PTDSS2: variants seen among roughly 807,000 people sequenced by gnomAD.
PTDSS2 encodes the protein PSS-2.
Under a neutral mutation model 64.7 loss-of-function variants are expected in PTDSS2, and 41 were observed. That is an observed-to-expected ratio of 0.63 (90% CI 0.49 to 0.82). PTDSS2 has a LOEUF of 0.82. PTDSS2 is among the 40% of genes least tolerant of loss of function. The probability of loss-of-function intolerance (pLI) is 0.00; values close to 1 mark genes in which losing one functional copy is unlikely to be tolerated. For synonymous variants in PTDSS2, 297 were observed against 277.8 expected, an observed-to-expected ratio of 1.07 and a Z score of -0.69; for missense variants, 485 against 650.0, an observed-to-expected ratio of 0.75 and a Z score of 2.76.
At chr11:486,040 G>A (rs1848360945) in intron 4 of PTDSS2, among the ~76,000 whole-genome samples, 2 of 151,594 alleles carry the variant, frequency 1.3e-5, no homozygotes, top group South Asian at 2.1e-4. Flanking sequence ...GCAGGCGAGT[G>A]TAAACAGTGC....
At chr11:489,788 G>T in intron 10 of PTDSS2, 55 bp downstream of exon 10, 1 of 1,576,684 alleles carries the variant, frequency 6.3e-7, no homozygotes, top group East Asian at 2.3e-5. Context: ...GGGCCGGAGG[G>T]CTGGGGAGCA....
chr11:488,978 T>C (rs570769461), intron 8 of PTDSS2, among the ~76,000 whole-genome samples: 6 of 152,348 alleles, frequency 3.9e-5, no homozygotes, highest in Admixed American at 2.0e-4. Flanking sequence ...ATTATGACTT[T>C]GGAATTTAAA....
intron 2 of PTDSS2, chr11:463,060 G>A (rs924826384): frequency 2.0e-5 from 3 of 151,494 alleles, no homozygotes; most frequent in South Asian, 2.1e-4. Flanking sequence ...CCAGCTACTC[G>A]GGAGGCTGAG....
chr11:449,376 A>G (rs1397815399), upstream of PTDSS2, among the ~76,000 whole-genome samples: 7 of 152,222 alleles, frequency 4.6e-5, no homozygotes. Context: ...CCTGCCTAGC[A>G]TAATGTTTTC....
chr11:462,685 A>G lies in PTDSS2; in HGVS notation c.284+2397A>G, dbSNP rs1483280868. On this transcript the variant is annotated intron_variant, in intron 2 of 11. Transcript: ENST00000308020. This position sits in a 1 kb window ranked among gnomAD's most constrained non-coding sequence, Gnocchi z 4.5. ...ATGGCCTGGACCCGCACTGCTGCAC[A>G]CCAGAAGCCCAGCTCCTGGGCAGCC... Among the ~76,000 whole-genome samples, 1 of 152,056 alleles carries G rather than the reference A, an allele frequency of 6.6e-6. No individual in the cohort carries two copies. Among genetic ancestry groups the G allele is most frequent in the East Asian group, 1.9e-4 (1 of 5,180 alleles).
rs972899656 is a variant in PTDSS2 at position 460,321 on chromosome 11, T to C, written c.284+33T>C. On this transcript the variant is annotated intron_variant, in intron 2 of 11. Coordinates refer to ENST00000308020, the MANE Select transcript of PTDSS2 (RefSeq NM_030783.3). This position sits in a 1 kb window ranked among gnomAD's most constrained non-coding sequence, Gnocchi z 5.8. ...GCCCTCTTGTCCTGCCTTCTGAAAC[T>C]GCCCTGTGCCCCGTGTGGTGGGTGT... The C allele has an allele frequency of 6.4e-7, 1 of 1,561,782 alleles. No individual in the cohort carries two copies. The highest frequency in any genetic ancestry group is 8.8e-7 in the Non-Finnish European group (1 of 1,133,808).
chr11:490,108 G>C, intron 11 of PTDSS2, 40 bp downstream of exon 11: 1 of 1,557,136 alleles, frequency 6.4e-7, no homozygotes, highest in Non-Finnish European at 8.7e-7. Context: ...AAGGAGGGCC[G>C]CTGTCCGGGT....
rs1374043970 is a variant in PTDSS2, at chr11:479,062, C to T, written c.368-23C>T. On this transcript the variant is annotated intron_variant, in intron 3 of 11. Transcript: ENST00000308020. This position sits in a 1 kb window ranked among gnomAD's most constrained non-coding sequence, Gnocchi z 4.2. ...TGGAGGCCTGGACCGGGCGCACTAA[C>T]GTTCTGTCGTCTGTCTTTGTAGCTT... 9 of 1,611,602 alleles carry T rather than the reference C, an allele frequency of 5.6e-6. No homozygotes were observed. The highest frequency in any genetic ancestry group is 1.1e-5 in the South Asian group (1 of 91,036).
intron 2 of PTDSS2, among the ~76,000 whole-genome samples, chr11:464,433 G>A (rs1474811794): frequency 3.3e-5 from 5 of 151,974 alleles, no homozygotes; most frequent in African/African-American, 4.8e-5. Context: ...TGTTCCCTGC[G>A]CTCAGAGTGC....
chr11:453,413 C>G (rs1441001468), intron 1 of PTDSS2, among the ~76,000 whole-genome samples: 1 of 152,206 alleles, frequency 6.6e-6, no homozygotes, highest in Non-Finnish European at 1.5e-5. Context: ...ACCACACTTG[C>G]TAACCAGTTC....
In PTDSS2 at chr11:461,761, A is replaced by T. The variant is rs971543300; in HGVS notation, c.284+1473A>T. Among the ~76,000 whole-genome samples the T allele has an allele frequency of 3.9e-5, 6 of 152,088 alleles. No homozygotes were observed. Among genetic ancestry groups the T allele is most frequent in the Admixed American group, 1.3e-4 (2 of 15,272 alleles). ...GGCAGTCCCAGCGGGGGTCACGTGC[A>T]GAACCTGCAGGCCCGGTGTGCACTG... On this transcript the variant is annotated intron_variant, in intron 2 of 11. Coordinates refer to ENST00000308020, the MANE Select transcript of PTDSS2 (RefSeq NM_030783.3). The surrounding 1 kb of genome is among the most constrained non-coding windows in gnomAD (Gnocchi z 4.2).
Position 460,362 on chromosome 11 carries a change from C to G in PTDSS2, c.284+74C>G. 7.9e-7 allele frequency: 1 copy of G among 1,271,792 alleles called. No individual in the cohort carries two copies. The highest frequency in any genetic ancestry group is 1.1e-6 in the Non-Finnish European group (1 of 883,002). 78.8% of individuals were successfully genotyped at this position (1,271,792 alleles called of 1,614,324 possible). A position where few individuals can be genotyped will look rare whatever the true frequency, so the allele number is the denominator to read the frequency against. On this transcript the variant is annotated intron_variant, in intron 2 of 11. Transcript: ENST00000308020. This position sits in a 1 kb window ranked among gnomAD's most constrained non-coding sequence, Gnocchi z 5.8. ...TGGTGGGTGTGGCACCCTTACTGCTCGGGCTGCCGGGGGCTCAGAAGGCCT... is the reference window on the plus strand; with the variant it reads ...TGGTGGGTGTGGCACCCTTACTGCTGGGGCTGCCGGGGGCTCAGAAGGCCT...
At chr11:473,865 A>T (rs1009836160) in intron 2 of PTDSS2, 30 bp from the exon 3 acceptor site, 1 of 1,554,888 alleles carries the variant, frequency 6.4e-7, no homozygotes, top group Admixed American at 1.7e-5. Context: ...GCCTGCACAC[A>T]CTGAGGGGCT....
chr11:464,889 A>G (rs1042169880), intron 2 of PTDSS2, among the ~76,000 whole-genome samples: 1 of 152,252 alleles, frequency 6.6e-6, no homozygotes, highest in East Asian at 1.9e-4. Flanking sequence ...CATAATGCAT[A>G]TAAATATACT....
In PTDSS2 at chr11:490,080, C is replaced by T. The variant is rs763358166; in HGVS notation, c.1301+12C>T. The T allele has an allele frequency of 1.3e-6, 2 of 1,598,394 alleles. No individual in the cohort carries two copies. Among genetic ancestry groups the T allele is most frequent in the Admixed American group, 1.7e-5 (1 of 59,354 alleles). On this transcript the variant is annotated intron_variant, in intron 11 of 11. Coordinates refer to ENST00000308020, the MANE Select transcript of PTDSS2 (RefSeq NM_030783.3). ...CGCTTCTTCCTGCGGTGAGTCAGGG[C>T]AGGGCGCGTATGTTCTGAAGGAGGG...
Position 450,447 on chromosome 11 carries a change from C to T in PTDSS2, c.-9C>T, listed in dbSNP as rs1846262037. 35 of 1,225,780 alleles carry T rather than the reference C, an allele frequency of 2.9e-5. No homozygotes were observed. The highest frequency in any genetic ancestry group is 3.6e-5 in the Non-Finnish European group (35 of 982,346). The allele number at this position is 1,225,780 out of a possible 1,614,324, so 75.9% of individuals were successfully genotyped here. The stretch of plus-strand genomic sequence containing the variant: ...GGCGCCGGGCGGAGTGGCTCCGGGC[C>T]GAAACGCCATGCGGAGGGGCGAGCG... On this transcript the variant is annotated 5_prime_UTR_variant, in exon 1 of 12. Transcript: ENST00000308020.
intron 2 of PTDSS2, among the ~76,000 whole-genome samples, chr11:472,754 TA>T (rs910962191): frequency 3.9e-5 from 6 of 152,190 alleles, no homozygotes; most frequent in African/African-American, 1.4e-4. Flanking sequence ...GGGTATTTTT[TA>T]ACAGCGCTGT....
chr11:466,423 T>G (rs1346075792), intron 2 of PTDSS2, among the ~76,000 whole-genome samples: 2 of 148,840 alleles, frequency 1.3e-5, no homozygotes, highest in Admixed American at 6.7e-5. Context: ...TTTTTTTTTT[T>G]GAGACAGAGT....
At chr11:455,532 C>T (rs537388108) in intron 1 of PTDSS2, among the ~76,000 whole-genome samples, 3 of 152,230 alleles carry the variant, frequency 2.0e-5, no homozygotes, top group Non-Finnish European at 4.4e-5. Context: ...AAGGTGACCT[C>T]GTCAGGAAGC....
Sources: allele counts gnomAD v4.1 joint callset (sites outside exome capture counted in the v4.1 genomes callset), GRCh38; gene constraint gnomAD v4.1.1; non-coding constraint Gnocchi (gnomAD v3.1); transcripts MANE v1.5; gene names NCBI Gene and HGNC (gene_info 2026-07-23, HGNC 2026-07-21).